SPTB: variants seen among roughly 807,000 people sequenced by gnomAD.
SPTB encodes the protein spectrin beta chain, erythrocytic.
SPTB carries 45 observed loss-of-function variants against 256.2 expected under a neutral mutation model. The ratio of observed to expected loss-of-function variants is 0.18; its 90% CI spans 0.14 to 0.23. The LOEUF (loss-of-function observed/expected upper bound fraction) is 0.23, where lower values mean the gene tolerates loss of function less well. SPTB is among the 10% of genes least tolerant of loss of function. SPTB has a pLI of 1.00. For synonymous variants in SPTB, 1,231 were observed against 1,243.1 expected, an observed-to-expected ratio of 0.99 and a Z score of 0.21; for missense variants, 2,715 against 3,040.4, an observed-to-expected ratio of 0.89 and a Z score of 2.52.
Position 64,779,109 on chromosome 14 carries a change from G to C in SPTB, c.4563+48C>G, listed in dbSNP as rs201868722. ...TGGGCCTACCCCCGTGGGGCCAGGT[G>C]GGGGTGAGGAGGGGTGGGTGGGGCT... On this transcript the variant is annotated intron_variant, in intron 22 of 35. Coordinates refer to ENST00000644917, the MANE Select transcript of SPTB (RefSeq NM_001355436.2). This position sits in a 1 kb window ranked among gnomAD's most constrained non-coding sequence, Gnocchi z 4.2. 3.3e-6 allele frequency: 5 copies of C among 1,516,596 alleles called. No individual in the cohort carries two copies. The highest frequency in any genetic ancestry group is 4.5e-6 in the Non-Finnish European group (5 of 1,100,416). The allele number at this position is 1,516,596 out of a possible 1,614,324, so 93.9% of individuals were successfully genotyped here. A position where few individuals can be genotyped will look rare whatever the true frequency, so the allele number is the denominator to read the frequency against.
At position 64,751,946 on chromosome 14, in the gene SPTB, T is replaced by TAAAA. The variant is rs1566731898; in HGVS notation, c.6602+1590_6602+1591insTTTT. Reference sequence around the variant, plus strand: ...AAAATGCAAAAAAAAAAAAAAAAATTAGCCAGGCGTGGTGGCACGTGCCTG... The same window carrying TAAAA: ...AAAATGCAAAAAAAAAAAAAAAAATTAAAAAGCCAGGCGTGGTGGCACGTGCCTG... On this transcript the variant is annotated intron_variant, in intron 33 of 35. Transcript: ENST00000644917. Among the ~76,000 whole-genome samples the TAAAA allele has an allele frequency of 7.6e-3, 691 of 90,438 alleles. 53 individuals are homozygous for TAAAA. The highest frequency in any genetic ancestry group is 0.026 in the African/African-American group (592 of 22,700). 59.3% of individuals were successfully genotyped at this position (90,438 alleles called of 152,430 possible). A position where few individuals can be genotyped will look rare whatever the true frequency, so the allele number is the denominator to read the frequency against.
chr14:64,804,893 G>C, intron 3 of SPTB, 46 bp downstream of exon 3: 4 of 1,611,816 alleles, frequency 2.5e-6, no homozygotes, highest in Non-Finnish European at 3.4e-6. Context: ...CTTTGCTGAA[G>C]AGGGGCCGAT....
rs1205189559 is a variant in SPTB at position 64,790,855 on chromosome 14, C to T, written c.2804+864G>A. On this transcript the variant is annotated intron_variant, in intron 15 of 35. Transcript: ENST00000644917. This position sits in a 1 kb window ranked among gnomAD's most constrained non-coding sequence, Gnocchi z 4.8. ...AACTCATGGGCAATTTCACCCCACA[C>T]TGAAAGCACCCCCTCTCTAAAGGCT... 1.3e-5 allele frequency among the ~76,000 whole-genome samples: 2 copies of T among 152,222 alleles called. No individual in the cohort carries two copies. The highest frequency in any genetic ancestry group is 2.9e-5 in the Non-Finnish European group (2 of 68,034).
chr14:64,823,215 T>C lies in SPTB; in HGVS notation c.-51-70A>G. The C allele has an allele frequency of 8.3e-7, 1 of 1,199,988 alleles. No homozygotes were observed. Among genetic ancestry groups the C allele is most frequent in the East Asian group, 2.4e-5 (1 of 41,276 alleles). The allele number at this position is 1,199,988 out of a possible 1,614,324, so 74.3% of individuals were successfully genotyped here. On this transcript the variant is annotated intron_variant, in intron 1 of 35. Transcript: ENST00000644917. This position sits in a 1 kb window ranked among gnomAD's most constrained non-coding sequence, Gnocchi z 6.5. ...CGGACTTTTTCTCCGGGGAAACTTA[T>C]TCGGAGCATCCAACGTGAGTAGATC... is the stretch of plus-strand genomic sequence containing the variant.
intron 1 of SPTB, among the ~76,000 whole-genome samples, chr14:64,833,273 G>A (rs2083475362): frequency 6.6e-6 from 1 of 152,062 alleles, no homozygotes; most frequent in South Asian, 2.1e-4. Flanking sequence ...CACCTCTGCT[G>A]GGCGCGGTGG....
At chr14:64,822,374 T>TCACACACACACA (rs1566786982) in intron 2 of SPTB, among the ~76,000 whole-genome samples, 1 of 1,016 alleles carries the variant, frequency 9.8e-4, no homozygotes, top group African/African-American at 4.5e-3. Context: ...TCTCTCTCTC[T>TCACACACACACA]CACACACACA....
chr14:64,803,791 G>T lies in SPTB; in HGVS notation c.301-11C>A. 9 of 1,602,226 alleles carry T rather than the reference G, an allele frequency of 5.6e-6. No homozygotes were observed. Among genetic ancestry groups the T allele is most frequent in the Non-Finnish European group, 7.7e-6 (9 of 1,173,780 alleles). ...CTTGGTGGGCTTTGGCTGGGGGACA[G>T]CAGTGGCCCCCGTGGGCATGGAGGG... On this transcript the variant is annotated splice_polypyrimidine_tract_variant and intron_variant, in intron 3 of 35. Transcript: ENST00000644917.
intron 1 of SPTB, among the ~76,000 whole-genome samples, chr14:64,879,228 C>T (rs1011396651): frequency 7.2e-5 from 11 of 152,192 alleles, no homozygotes; most frequent in African/African-American, 2.4e-4. Context: ...CGGGGTCACT[C>T]TCTGGGTGGC....
rs2082651603 is a variant in SPTB, at chr14:64,790,552, G to A, written c.2804+1167C>T. On this transcript the variant is annotated intron_variant, in intron 15 of 35. Transcript: ENST00000644917. The surrounding 1 kb of genome is among the most constrained non-coding windows in gnomAD (Gnocchi z 4.8). ...CGCACTCTGCAGCTTGGGCTGCTAA[G>A]ACAATCATCCCATTCTAGTGGCTCT... 6.6e-6 allele frequency among the ~76,000 whole-genome samples: 1 copy of A among 152,214 alleles called. No homozygotes were observed. Among genetic ancestry groups the A allele is most frequent in the African/African-American group, 2.4e-5 (1 of 41,446 alleles).
chr14:64,797,896 A>T (rs140477374), intron 9 of SPTB, 50 bp from the exon 10 acceptor site: 10 of 1,445,882 alleles, frequency 6.9e-6, no homozygotes, highest in Middle Eastern at 3.5e-4. Flanking sequence ...CTCATGGCCA[A>T]ATTTTTTTGC....
rs543501689 is a variant in SPTB, at chr14:64,788,940, A to G, written c.2805-1780T>C. Among the ~76,000 whole-genome samples, 376 of 152,362 alleles carry G rather than the reference A, an allele frequency of 2.5e-3. 3 individuals are homozygous for G. Among genetic ancestry groups the G allele is most frequent in the African/African-American group, 8.8e-3 (364 of 41,580 alleles). On this transcript the variant is annotated intron_variant, in intron 15 of 35. Coordinates refer to ENST00000644917, the MANE Select transcript of SPTB (RefSeq NM_001355436.2). Reference sequence around the variant, plus strand: ...CATCAAGTGTTTGAATGACTCACACATAAGCTTGGCAGAAAAACCTTAGTT... The same window carrying G: ...CATCAAGTGTTTGAATGACTCACACGTAAGCTTGGCAGAAAAACCTTAGTT...
In SPTB at chr14:64,804,859, A is replaced by G. The variant is rs1018222156; in HGVS notation, c.300+80T>C. ...AGAGAAAACTGGGAAGGCCAGGAGAACTTGAGATGCCCCCAAACCATGCCT... is the reference window on the plus strand; with the variant it reads ...AGAGAAAACTGGGAAGGCCAGGAGAGCTTGAGATGCCCCCAAACCATGCCT... On this transcript the variant is annotated intron_variant, in intron 3 of 35. Coordinates refer to ENST00000644917, the MANE Select transcript of SPTB (RefSeq NM_001355436.2). 5 of 1,585,536 alleles carry G rather than the reference A, an allele frequency of 3.2e-6. No individual in the cohort carries two copies. In the Admixed American group the frequency reaches 5.0e-5, roughly 16 times the overall value.
chr14:64,810,788 A>G (rs1223931624), intron 2 of SPTB, among the ~76,000 whole-genome samples: 1 of 152,212 alleles, frequency 6.6e-6, no homozygotes, highest in East Asian at 1.9e-4. Flanking sequence ...AAAGCTATAA[A>G]ATAAAAAATT....
In SPTB at chr14:64,802,374, TC is replaced by T. The variant is rs2082902922; in HGVS notation, c.475-58del. ...AGGATGTGCATCTGGATCTGTGCTT[TC>T]CTGCCGTCCCTGGGAGGCTCCCTCC... On this transcript the variant is annotated intron_variant, in intron 4 of 35. Coordinates refer to ENST00000644917, the MANE Select transcript of SPTB (RefSeq NM_001355436.2). The surrounding 1 kb of genome is among the most constrained non-coding windows in gnomAD (Gnocchi z 5.1). The T allele has an allele frequency of 6.5e-7, 1 of 1,549,638 alleles. No homozygotes were observed.
intron 2 of SPTB, among the ~76,000 whole-genome samples, chr14:64,809,350 T>C (rs1166977066): frequency 6.6e-6 from 1 of 151,660 alleles, no homozygotes; most frequent in Non-Finnish European, 1.5e-5. Flanking sequence ...TTGGTTTATT[T>C]ATTTGTTTAT....
In SPTB at chr14:64,760,668, G is replaced by A. The variant is rs899679468; in HGVS notation, c.6345+6058C>T. Reference sequence around the variant, plus strand: ...TTAAGAGATGAAGGACTGAGGTGGGGGATGGAGAAAAATGAAGGGACTTAA... The same window carrying A: ...TTAAGAGATGAAGGACTGAGGTGGGAGATGGAGAAAAATGAAGGGACTTAA... On this transcript the variant is annotated intron_variant, in intron 32 of 35. Transcript: ENST00000644917. The surrounding 1 kb of genome is among the most constrained non-coding windows in gnomAD (Gnocchi z 4.3). 6.6e-6 allele frequency among the ~76,000 whole-genome samples: 1 copy of A among 152,148 alleles called. No homozygotes were observed. Among genetic ancestry groups the A allele is most frequent in the African/African-American group, 2.4e-5 (1 of 41,416 alleles).
chr14:64,868,030 G>T (rs1001768525), intron 1 of SPTB, among the ~76,000 whole-genome samples: 2 of 152,198 alleles, frequency 1.3e-5, no homozygotes, highest in African/African-American at 4.8e-5. Context: ...AAGCTAGGAA[G>T]AGAGGTCGGA....
rs940987679 is a variant in SPTB at position 64,844,822 on chromosome 14, T to C, written c.-51-21677A>G. ...ATACATCCAAATCACATTCCAGAGA[T>C]TCCACCTGATCTCAGTGTTTGGAAA... On this transcript the variant is annotated intron_variant, in intron 1 of 35. Coordinates refer to ENST00000644917, the MANE Select transcript of SPTB (RefSeq NM_001355436.2). The surrounding 1 kb of genome is among the most constrained non-coding windows in gnomAD (Gnocchi z 4.1). Among the ~76,000 whole-genome samples, 2 of 152,192 alleles carry C rather than the reference T, an allele frequency of 1.3e-5. No homozygotes were observed. The highest frequency in any genetic ancestry group is 4.8e-5 in the African/African-American group (2 of 41,446).
chr14:64,812,532 T>TG (rs1027683211), intron 2 of SPTB, among the ~76,000 whole-genome samples: 2 of 152,106 alleles, frequency 1.3e-5, no homozygotes, highest in Non-Finnish European at 2.9e-5. Flanking sequence ...ATACTCCCTA[T>TG]GGGGGTTTAA....
Sources: allele counts gnomAD v4.1 joint callset (sites outside exome capture counted in the v4.1 genomes callset), GRCh38; gene constraint gnomAD v4.1.1; non-coding constraint Gnocchi (gnomAD v3.1); transcripts MANE v1.5; gene names NCBI Gene and HGNC (gene_info 2026-07-23, HGNC 2026-07-21).